Variants in NR2F1-AS1 observed in about 807,000 individuals in gnomAD.
NR2F1-AS1 encodes the protein NR2F1 antisense RNA 1.
At chr5:93,489,431 A>T (rs73133254) in intron 4 of NR2F1-AS1, among the ~76,000 whole-genome samples, 36,619 of 151,528 alleles carry the variant, frequency 0.24, 7,697 homozygotes, top group African/African-American at 0.58. Context: ...ATATATATAT[A>T]TTTTTAGGCA....
At chr5:93,431,783 C>T (rs1580217582) in intron 4 of NR2F1-AS1, among the ~76,000 whole-genome samples, 1 of 152,174 alleles carries the variant, frequency 6.6e-6, no homozygotes, top group East Asian at 1.9e-4. Flanking sequence ...GTTACCAGTG[C>T]TCTTCACTTA....
chr5:93,464,218 T>C (rs1750168562), intron 4 of NR2F1-AS1, among the ~76,000 whole-genome samples: 1 of 152,278 alleles, frequency 6.6e-6, no homozygotes, highest in African/African-American at 2.4e-5. Flanking sequence ...AGAGATCTGA[T>C]GGTTTTAAAA....
intron 4 of NR2F1-AS1, among the ~76,000 whole-genome samples, chr5:93,521,546 G>C (rs1397751201): frequency 6.6e-6 from 1 of 152,012 alleles, no homozygotes; most frequent in Non-Finnish European, 1.5e-5. Context: ...TTAAAAAGTG[G>C]GCAAAGGACA....
At chr5:93,518,230 G>A (rs1192974910) in intron 4 of NR2F1-AS1, among the ~76,000 whole-genome samples, 1 of 152,096 alleles carries the variant, frequency 6.6e-6, no homozygotes, top group African/African-American at 2.4e-5. Flanking sequence ...TTAGTAATGT[G>A]ATACAGACCT....
At chr5:93,462,014 AT>A (rs768947370) in intron 4 of NR2F1-AS1, among the ~76,000 whole-genome samples, 5 of 152,216 alleles carry the variant, frequency 3.3e-5, no homozygotes, top group Non-Finnish European at 7.3e-5. Context: ...ACTGGTTTGC[AT>A]TGGGGAAAGT....
At chr5:93,472,873 T>C (rs1397042769) in intron 4 of NR2F1-AS1, among the ~76,000 whole-genome samples, 1 of 151,942 alleles carries the variant, frequency 6.6e-6, no homozygotes, top group African/African-American at 2.4e-5. Flanking sequence ...TTTTGGATAT[T>C]TGAAATAATA....
At chr5:93,484,867 A>C (rs1750683029) in intron 4 of NR2F1-AS1, among the ~76,000 whole-genome samples, 1 of 152,174 alleles carries the variant, frequency 6.6e-6, no homozygotes, top group African/African-American at 2.4e-5. Flanking sequence ...AGACAAAGAA[A>C]GGGCATTGCA....
chr5:93,580,161 G>A (rs1412959833), intron 1 of NR2F1-AS1, among the ~76,000 whole-genome samples: 2 of 152,362 alleles, frequency 1.3e-5, no homozygotes, highest in East Asian at 3.9e-4. Flanking sequence ...TCCCGCCTAG[G>A]AGAGAGAGGG....
At chr5:93,449,695 T>C (rs570396656) in intron 4 of NR2F1-AS1, among the ~76,000 whole-genome samples, 11 of 152,278 alleles carry the variant, frequency 7.2e-5, no homozygotes, top group African/African-American at 2.6e-4. Flanking sequence ...TTTACACAAT[T>C]ACAAAGATTT....
intron 4 of NR2F1-AS1, among the ~76,000 whole-genome samples, chr5:93,526,805 G>A (rs768887579): frequency 1.3e-5 from 2 of 152,066 alleles, no homozygotes; most frequent in African/African-American, 2.4e-5. Context: ...ACCCCTTCAC[G>A]CTAAAAACTT....
At chr5:93,541,812 G>A (rs1163936970) in intron 4 of NR2F1-AS1, 1 of 151,434 alleles carries the variant, frequency 6.6e-6, no homozygotes, top group Non-Finnish European at 1.5e-5. Flanking sequence ...ATCAAATAAG[G>A]AAAGCAAGAC....
At chr5:93,435,152 G>A (rs1409287242) in intron 4 of NR2F1-AS1, among the ~76,000 whole-genome samples, 1 of 152,170 alleles carries the variant, frequency 6.6e-6, no homozygotes, top group East Asian at 1.9e-4. Context: ...AATTGCTATA[G>A]TGGTTGCAAA....
intron 2 of NR2F1-AS1, among the ~76,000 whole-genome samples, chr5:93,560,042 C>T (rs1752451642): frequency 6.6e-6 from 1 of 152,220 alleles, no homozygotes; most frequent in Middle Eastern, 3.4e-3. Context: ...CACAATAAAA[C>T]AAAATATGCC....
intron 1 of NR2F1-AS1, among the ~76,000 whole-genome samples, chr5:93,576,251 T>C (rs956014313): frequency 6.6e-6 from 1 of 152,172 alleles, no homozygotes; most frequent in Non-Finnish European, 1.5e-5. Context: ...CAATAAAACA[T>C]AGAACGATCC....
intron 4 of NR2F1-AS1, among the ~76,000 whole-genome samples, chr5:93,530,545 G>A (rs902530519): frequency 5.9e-5 from 9 of 152,246 alleles, no homozygotes; most frequent in South Asian, 4.2e-4. Context: ...GCAGCAGAAG[G>A]ACCAATGGTA....
At chr5:93,554,882 G>A (rs532537851) in exon 3 of NR2F1-AS1, 1 of 152,268 alleles carries the variant, frequency 6.6e-6, no homozygotes, top group Non-Finnish European at 1.5e-5. Context: ...ACCACGGCAT[G>A]GTAGCTACCA....
chr5:93,455,132 G>C (rs1240007185), intron 4 of NR2F1-AS1, among the ~76,000 whole-genome samples: 3 of 152,070 alleles, frequency 2.0e-5, no homozygotes, highest in African/African-American at 7.2e-5. Context: ...GAGGTCTTGT[G>C]GTTCTGCCTC....
chr5:93,570,879 C>T (rs1296306962), intron 1 of NR2F1-AS1: 2 of 152,198 alleles, frequency 1.3e-5, no homozygotes, highest in East Asian at 1.9e-4. Flanking sequence ...CGGGGCCGCG[C>T]TTAGGGTCGG....
intron 4 of NR2F1-AS1, among the ~76,000 whole-genome samples, chr5:93,496,958 C>T (rs1001636779): frequency 3.3e-5 from 5 of 152,146 alleles, no homozygotes; most frequent in Admixed American, 6.6e-5. Context: ...TCAATGGTTC[C>T]GACTTTCAAT....
Sources: allele counts gnomAD v4.1 joint callset (sites outside exome capture counted in the v4.1 genomes callset), GRCh38; gene constraint gnomAD v4.1.1; transcripts MANE v1.5; gene names NCBI Gene and HGNC (gene_info 2026-07-23, HGNC 2026-07-21).